The following TNPO1 variants were observed in gnomAD, a reference collection of about 807,000 sequenced individuals.
The protein encoded by TNPO1 is transportin-1.
TNPO1 carries 8 observed loss-of-function variants against 119.5 expected under a neutral mutation model. The observed-to-expected ratio is 0.07, with a 90% CI of 0.04 to 0.12. The LOEUF is 0.12. TNPO1 is among the 10% of genes least tolerant of loss of function. TNPO1 has a pLI of 1.00. For missense variants in TNPO1, 576 were observed against 1,089.8 expected (o/e 0.53, Z 6.64); for synonymous variants, 362 against 363.0 (o/e 1.00, Z 0.03).
chr5:72,850,674 G>T (rs1745476783), intron 2 of TNPO1, among the ~76,000 whole-genome samples: 1 of 152,336 alleles, frequency 6.6e-6, no homozygotes, highest in Non-Finnish European at 1.5e-5. Context: ...TCTTGGGGAT[G>T]AGGGGAAGAA....
At chr5:72,830,415 G>A (rs1744408180) in intron 1 of TNPO1, among the ~76,000 whole-genome samples, 1 of 152,122 alleles carries the variant, frequency 6.6e-6, no homozygotes, top group Non-Finnish European at 1.5e-5. Flanking sequence ...TTCATCAAAT[G>A]CCTACCCACA....
chr5:72,830,386 T>C (rs2112187055), intron 1 of TNPO1, among the ~76,000 whole-genome samples: 1 of 152,286 alleles, frequency 6.6e-6, no homozygotes, highest in South Asian at 2.1e-4. Context: ...CCTGAACATC[T>C]CAAATGTTTT....
rs1378525723 is a variant in TNPO1 at position 72,889,718 on chromosome 5, A to T, written c.1530-68A>T. On this transcript the variant is annotated intron_variant, in intron 13 of 24. Transcript: ENST00000337273. ...TGATTGGGTAAAACAGAACATAAAC[A>T]TTTTAGCAATTAAGAGTTAGATATA... The T allele has an allele frequency of 5.4e-6, 8 of 1,489,020 alleles. No individual in the cohort carries two copies. The Admixed American group carries it at 1.9e-4, about 35-fold the overall frequency. 92.2% of individuals were successfully genotyped at this position (1,489,020 alleles called of 1,614,324 possible). A position where few individuals can be genotyped will look rare whatever the true frequency, so the allele number is the denominator to read the frequency against.
intron 2 of TNPO1, among the ~76,000 whole-genome samples, chr5:72,849,748 T>C (rs1198667241): frequency 6.6e-6 from 1 of 152,226 alleles, no homozygotes; most frequent in African/African-American, 2.4e-5. Flanking sequence ...ACTTTTGGAA[T>C]GTATTGCCGT....
At chr5:72,888,392 A>C in intron 13 of TNPO1, 89 bp downstream of exon 13, 2 of 1,154,882 alleles carry the variant, frequency 1.7e-6, no homozygotes, top group Non-Finnish European at 2.5e-6. Context: ...TAAACCTATA[A>C]TGAAGTGTTT....
At chr5:72,902,334 T>C (rs1749856833) in intron 22 of TNPO1, among the ~76,000 whole-genome samples, 1 of 152,180 alleles carries the variant, frequency 6.6e-6, no homozygotes, top group African/African-American at 2.4e-5. Flanking sequence ...TAATTCTGTT[T>C]TATAAAATTC....
chr5:72,903,902 T>G (rs1336870785), intron 23 of TNPO1, 119 bp downstream of exon 23: 1 of 644,038 alleles, frequency 1.6e-6, no homozygotes, highest in Non-Finnish European at 2.7e-6. Context: ...ATTGATAGTT[T>G]ACATATATAA....
rs1037166106 is a variant in TNPO1, at chr5:72,912,907, A to G, written c.*4234A>G. 1.1e-4 allele frequency: 17 copies of G among 152,504 alleles called. No homozygotes were observed. Among genetic ancestry groups the G allele is most frequent in the African/African-American group, 4.1e-4 (17 of 41,442 alleles). The allele number at this position is 152,504 out of a possible 1,614,324, so 9.4% of individuals were successfully genotyped here. A position where few individuals can be genotyped will look rare whatever the true frequency, so the allele number is the denominator to read the frequency against. The stretch of plus-strand genomic sequence containing the variant: ...CCAGGGGAAGAGTGTATCATGCATA[A>G]CTGCAATTTAAGTCCTTCCTTTGAT... On this transcript the variant is annotated 3_prime_UTR_variant, in exon 25 of 25. Coordinates refer to ENST00000337273, the MANE Select transcript of TNPO1 (RefSeq NM_002270.4).
At chr5:72,869,286 C>T (rs546401089) in intron 6 of TNPO1, among the ~76,000 whole-genome samples, 1 of 152,258 alleles carries the variant, frequency 6.6e-6, no homozygotes, top group Admixed American at 6.5e-5. Flanking sequence ...GTGGCTCACA[C>T]CTGTAATCCC....
chr5:72,907,740 G>A (rs1750269293), intron 24 of TNPO1, among the ~76,000 whole-genome samples: 1 of 152,094 alleles, frequency 6.6e-6, no homozygotes, highest in Non-Finnish European at 1.5e-5. Flanking sequence ...AACTAATTAG[G>A]AACATCAAGA....
At chr5:72,867,157 T>A (rs1746967036) in intron 6 of TNPO1, among the ~76,000 whole-genome samples, 1 of 123,150 alleles carries the variant, frequency 8.1e-6, no homozygotes, top group Non-Finnish European at 1.7e-5. Flanking sequence ...AGTGATGGAA[T>A]AAGACCCTGC....
intron 1 of TNPO1, among the ~76,000 whole-genome samples, chr5:72,841,629 G>A (rs1203083675): frequency 6.6e-6 from 1 of 152,180 alleles, no homozygotes; most frequent in Admixed American, 6.5e-5. Flanking sequence ...ATGAGCCACC[G>A]CGCCCAGCCT....
At chr5:72,902,000 G>A (rs1026216079) in intron 22 of TNPO1, among the ~76,000 whole-genome samples, 1 of 151,888 alleles carries the variant, frequency 6.6e-6, no homozygotes, top group African/African-American at 2.4e-5. Flanking sequence ...GCTTGAACCC[G>A]GGAGGCAGAG....
intron 12 of TNPO1, 149 bp from the exon 13 acceptor site, chr5:72,887,929 T>G: frequency 1.3e-6 from 1 of 743,056 alleles, no homozygotes; most frequent in Non-Finnish European, 2.1e-6. Flanking sequence ...TTCAGGGTTT[T>G]AAAAATAATT....
chr5:72,872,542 TATC>T lies in TNPO1; in HGVS notation c.597-94_597-92del, dbSNP rs891447930. ...TTTTTAGTGGGTATATTGATAGACA[TATC>T]ATAATATTTTTATGGAGGAATGTTT... On this transcript the variant is annotated intron_variant, in intron 6 of 24. Transcript: ENST00000337273. The T allele has an allele frequency of 9.3e-5, 69 of 741,556 alleles. 1 individual carries two copies. In the South Asian group the frequency reaches 1.3e-3, roughly 14 times the overall value. 45.9% of individuals were successfully genotyped at this position (741,556 alleles called of 1,614,324 possible).
At chr5:72,906,260 A>C in intron 24 of TNPO1, among the ~76,000 whole-genome samples, 1 of 93,756 alleles carries the variant, frequency 1.1e-5, no homozygotes, top group African/African-American at 4.5e-5. Context: ...CCATGTGCCC[A>C]TCACTTTTTT....
Position 72,913,344 on chromosome 5 carries a change from A to G in TNPO1, c.*4671A>G, listed in dbSNP as rs1400572222. 1 of 152,412 alleles carries G rather than the reference A, an allele frequency of 6.6e-6. No homozygotes were observed. 9.4% of individuals were successfully genotyped at this position (152,412 alleles called of 1,614,324 possible). On this transcript the variant is annotated 3_prime_UTR_variant, in exon 25 of 25. Coordinates refer to ENST00000337273, the MANE Select transcript of TNPO1 (RefSeq NM_002270.4). The stretch of plus-strand genomic sequence containing the variant: ...CCCATTAGCATTACTTACGTAGATA[A>G]TTCTTTATGCCTAGTTATTATACAT...
chr5:72,840,521 G>A (rs1002406791), intron 1 of TNPO1, among the ~76,000 whole-genome samples: 1 of 152,008 alleles, frequency 6.6e-6, no homozygotes, highest in Non-Finnish European at 1.5e-5. Context: ...ATACTAGCTG[G>A]GCAAGCTACT....
intron 2 of TNPO1, among the ~76,000 whole-genome samples, 165 bp downstream of exon 2, chr5:72,848,663 G>C (rs1745288655): frequency 6.7e-6 from 1 of 148,932 alleles, no homozygotes; most frequent in South Asian, 2.1e-4. Flanking sequence ...CGCTGCCCCT[G>C]CCGGGCGACT....
Sources: allele counts gnomAD v4.1 joint callset (sites outside exome capture counted in the v4.1 genomes callset), GRCh38; gene constraint gnomAD v4.1.1; transcripts MANE v1.5; gene names NCBI Gene and HGNC (gene_info 2026-07-23, HGNC 2026-07-21).